The following SYT1 variants were observed in gnomAD, a reference collection of about 807,000 sequenced individuals.
SYT1 encodes synaptotagmin 1, also known as synaptotagmin-1.
Under a neutral mutation model 44.8 loss-of-function variants are expected in SYT1, and 8 were observed. The observed-to-expected ratio is 0.18, with a 90% confidence interval of 0.10 to 0.32. The LOEUF (loss-of-function observed/expected upper bound fraction) is 0.32, where lower values mean the gene tolerates loss of function less well. Among genes scored for constraint, SYT1 ranks in the 10% least tolerant of loss-of-function variants. SYT1 has a pLI of 1.00. For missense variants in SYT1, 286 were observed against 509.3 expected (o/e 0.56, Z 4.22); for synonymous variants, 154 against 188.8 (o/e 0.82, Z 1.51).
intron 9 of SYT1, chr12:79,392,398 A>G (rs1386391417): frequency 2.0e-5 from 3 of 152,258 alleles, no homozygotes; most frequent in Non-Finnish European, 4.4e-5. Flanking sequence ...CTGAACAAAG[A>G]TTACATTAAG....
At position 79,449,854 on chromosome 12, in the gene SYT1, T is replaced by G. The variant is rs1478094271; in HGVS notation, c.*730T>G. ...CTAAAATAATGGCTTCACTCTTATA[T>G]TTGAGGAAGCAACTGAACAGGAGTC... On this transcript the variant is annotated 3_prime_UTR_variant, in exon 11 of 11. Coordinates refer to ENST00000261205, the MANE Select transcript of SYT1 (RefSeq NM_005639.3). 1 of 152,128 alleles carries G rather than the reference T, an allele frequency of 6.6e-6. No individual in the cohort carries two copies. The highest frequency in any genetic ancestry group is 2.4e-5 in the African/African-American group (1 of 41,400). 9.4% of individuals were successfully genotyped at this position (152,128 alleles called of 1,614,324 possible). A position where few individuals can be genotyped will look rare whatever the true frequency, so the allele number is the denominator to read the frequency against.
At chr12:79,388,319 A>G (rs1884518704) in intron 9 of SYT1, among the ~76,000 whole-genome samples, 1 of 152,104 alleles carries the variant, frequency 6.6e-6, no homozygotes, top group African/African-American at 2.4e-5. Context: ...ACCTATATAC[A>G]CACAGACTTT....
intron 4 of SYT1, among the ~76,000 whole-genome samples, chr12:79,250,570 A>G (rs1877140811): frequency 6.6e-6 from 1 of 152,198 alleles, no homozygotes; most frequent in Non-Finnish European, 1.5e-5. Context: ...CAGCAACAAT[A>G]AAAATCTGTG....
In SYT1 at chr12:79,217,594, C is replaced by T. The variant is rs2037743; in HGVS notation, c.75C>T (p.Asn25=). The change falls in exon 4 of 11, where the codon AAC becomes AAT. Residue 25 remains asparagine (N), a synonymous_variant. Transcript: ENST00000261205. ...VTTVATVLPS[N]ATEPASPGEG... ...CTGTCGCGACTGTTCTGCCAAGCAA[C>T]GCCACAGAGCCAGCCAGTCCTGGAG... 1,101,819 of 1,611,476 alleles carry T rather than the reference C, an allele frequency of 0.68. 380,877 individuals carry two copies. The highest frequency in any genetic ancestry group is 0.78 in the African/African-American group (58,265 of 74,762).
rs370583842 is a variant in SYT1 at position 79,145,103 on chromosome 12, T to C, written c.-17-72400T>C. On this transcript the variant is annotated intron_variant, in intron 3 of 10. Coordinates refer to ENST00000261205, the MANE Select transcript of SYT1 (RefSeq NM_005639.3). The stretch of plus-strand genomic sequence containing the variant: ...GAATATTAATGAGGATCAAGCTAGA[T>C]AATGCATATAAAAGTACACAGGACA... Among the ~76,000 whole-genome samples, 9 of 152,332 alleles carry C rather than the reference T, an allele frequency of 5.9e-5. 1 individual carries two copies. Among genetic ancestry groups the C allele is most frequent in the East Asian group, 3.9e-4 (2 of 5,188 alleles).
chr12:78,956,897 G>C (rs1407390578), intron 1 of SYT1, among the ~76,000 whole-genome samples: 3 of 152,052 alleles, frequency 2.0e-5, no homozygotes, highest in Non-Finnish European at 4.4e-5. Context: ...AGCCTTTCCT[G>C]ACTTGAAAAA....
chr12:78,899,905 G>T (rs1223363146), intron 1 of SYT1, among the ~76,000 whole-genome samples: 1 of 151,922 alleles, frequency 6.6e-6, no homozygotes, highest in Non-Finnish European at 1.5e-5. Context: ...CATTAATTTT[G>T]TTATATAATT....
intron 4 of SYT1, among the ~76,000 whole-genome samples, chr12:79,274,131 A>G (rs965769966): frequency 6.6e-6 from 1 of 152,192 alleles, no homozygotes; most frequent in Non-Finnish European, 1.5e-5. Flanking sequence ...GAGATTCGTG[A>G]TCTAATCTCA....
intron 1 of SYT1, among the ~76,000 whole-genome samples, chr12:78,889,022 G>A (rs1458425843): frequency 1.3e-5 from 2 of 151,742 alleles, no homozygotes. Context: ...CCCCTTTTTA[G>A]ACTACTATCA....
chr12:78,956,423 A>G (rs1410817982), intron 1 of SYT1, among the ~76,000 whole-genome samples: 2 of 151,994 alleles, frequency 1.3e-5, no homozygotes, highest in Non-Finnish European at 2.9e-5. Context: ...AAACAGTAGC[A>G]TCTATTTCAT....
intron 9 of SYT1, among the ~76,000 whole-genome samples, chr12:79,371,618 G>A (rs1883793946): frequency 6.6e-6 from 1 of 152,186 alleles, no homozygotes; most frequent in South Asian, 2.1e-4. Flanking sequence ...AAAAGAGGAA[G>A]GTTAGTGTTT....
chr12:79,388,010 A>G (rs1884503080), intron 9 of SYT1, among the ~76,000 whole-genome samples: 1 of 152,164 alleles, frequency 6.6e-6, no homozygotes, highest in Non-Finnish European at 1.5e-5. Flanking sequence ...ATGAACATTT[A>G]TTTTTTAGGT....
chr12:79,386,463 T>C (rs1040212938), intron 9 of SYT1, among the ~76,000 whole-genome samples: 1 of 152,124 alleles, frequency 6.6e-6, no homozygotes, highest in Non-Finnish European at 1.5e-5. Context: ...CAACCCATCA[T>C]CTACATTAGG....
intron 1 of SYT1, among the ~76,000 whole-genome samples, chr12:78,896,788 T>A (rs914506658): frequency 3.3e-5 from 5 of 151,886 alleles, no homozygotes; most frequent in African/African-American, 1.2e-4. Context: ...ATCTGAATTA[T>A]CTTCATTTCT....
chr12:79,420,419 C>T (rs1869034910), intron 9 of SYT1, among the ~76,000 whole-genome samples: 1 of 152,140 alleles, frequency 6.6e-6, no homozygotes, highest in African/African-American at 2.4e-5. Flanking sequence ...TCCCTCCCTT[C>T]TTTACTGGTT....
intron 9 of SYT1, among the ~76,000 whole-genome samples, chr12:79,390,961 G>A (rs897058092): frequency 5.9e-5 from 9 of 152,138 alleles, no homozygotes; most frequent in African/African-American, 1.9e-4. Context: ...TGCCATCTGT[G>A]TGGGAGCTTC....
chr12:79,271,001 C>T (rs1032432376), intron 4 of SYT1, among the ~76,000 whole-genome samples: 3 of 152,200 alleles, frequency 2.0e-5, no homozygotes, highest in African/African-American at 2.4e-5. Context: ...AGAAAAGGGG[C>T]TCCTCCCCAA....
intron 2 of SYT1, among the ~76,000 whole-genome samples, chr12:79,013,132 C>T (rs1241379597): frequency 1.3e-5 from 2 of 152,016 alleles, no homozygotes; most frequent in Non-Finnish European, 2.9e-5. Context: ...AACACTATTT[C>T]TATCTTGTAG....
At chr12:79,214,060 T>C (rs1431025213) in intron 3 of SYT1, among the ~76,000 whole-genome samples, 1 of 152,230 alleles carries the variant, frequency 6.6e-6, no homozygotes, top group Non-Finnish European at 1.5e-5. Context: ...CAAGTAACTA[T>C]TCTTAGGTTT....
Sources: gnomAD v4.1 joint callset for allele counts (sites outside exome capture counted in the v4.1 genomes callset) on GRCh38, gnomAD v4.1.1 for gene constraint, MANE v1.5 for transcripts, NCBI Gene and HGNC (gene_info 2026-07-23, HGNC 2026-07-21) for gene names.